Variants in KIF21A observed in about 807,000 individuals in gnomAD.
KIF21A encodes the protein kinesin family member 21A, also known as kinesin-like protein KIF21A.
In KIF21A, 114 loss-of-function variants were observed where a neutral mutation model predicts 202.9. That is an observed-to-expected ratio of 0.56 (90% CI 0.48 to 0.66). The LOEUF (loss-of-function observed/expected upper bound fraction) is 0.66, where lower values mean the gene tolerates loss of function less well. Among genes scored for constraint, KIF21A ranks in the 30% least tolerant of loss-of-function variants. The probability of loss-of-function intolerance (pLI) is 0.00; values close to 1 mark genes in which losing one functional copy is unlikely to be tolerated. For synonymous variants in KIF21A, 667 were observed against 670.8 expected (o/e 0.99, Z 0.09); for missense variants, 1,677 against 1,994.9 (o/e 0.84, Z 3.04).
chr12:39,387,907 G>T (rs1951062446), intron 1 of KIF21A, among the ~76,000 whole-genome samples: 1 of 152,170 alleles, frequency 6.6e-6, no homozygotes, highest in Non-Finnish European at 1.5e-5. Flanking sequence ...TTCCTCCACA[G>T]TAATAGGGGT....
At chr12:39,373,287 A>G (rs1206051116) in intron 1 of KIF21A, among the ~76,000 whole-genome samples, 1 of 152,132 alleles carries the variant, frequency 6.6e-6, no homozygotes, top group Non-Finnish European at 1.5e-5. Context: ...TCTTGTTTCT[A>G]TGCCTCCAAC....
At chr12:39,388,706 A>G (rs1951128189) in intron 1 of KIF21A, among the ~76,000 whole-genome samples, 1 of 152,224 alleles carries the variant, frequency 6.6e-6, no homozygotes, top group Non-Finnish European at 1.5e-5. Context: ...AACTATGACA[A>G]GAAACTTTTA....
intron 1 of KIF21A, among the ~76,000 whole-genome samples, chr12:39,379,202 C>T (rs796935012): frequency 2.6e-5 from 4 of 151,804 alleles, no homozygotes; most frequent in Admixed American, 6.6e-5. Flanking sequence ...TAGTGGTGGG[C>T]GCCTGTAGTC....
intron 29 of KIF21A, among the ~76,000 whole-genome samples, chr12:39,317,073 T>C (rs1944631560): frequency 6.6e-6 from 1 of 152,202 alleles, no homozygotes; most frequent in South Asian, 2.1e-4. Flanking sequence ...AAGAGTATTT[T>C]GTTTAATAAC....
rs1453096232 is a variant in KIF21A, at chr12:39,333,069, A to G, written c.2526T>C (p.Asp842=). The G allele has an allele frequency of 6.2e-7, 1 of 1,614,030 alleles. No homozygotes were observed. Among genetic ancestry groups the G allele is most frequent in the Non-Finnish European group, 8.5e-7 (1 of 1,180,010 alleles). ...ALRRQVRPMS[D]KVAGKVTRKL... ...TCCGAGTAACTTTCCCAGCCACTTT[A>G]TCTGACATGGGTCTTACTTGCCGAC... is the stretch of plus-strand genomic sequence containing the variant. The change falls in exon 19 of 38, where the codon GAT becomes GAC. Residue 842 remains aspartate (D), a synonymous_variant. Coordinates refer to ENST00000361418, the MANE Select transcript of KIF21A (RefSeq NM_001173464.2).
At chr12:39,401,628 T>C (rs1252457367) in intron 1 of KIF21A, among the ~76,000 whole-genome samples, 2 of 152,120 alleles carry the variant, frequency 1.3e-5, no homozygotes, top group Admixed American at 6.6e-5. Flanking sequence ...TGAGAGTGCA[T>C]GGGAGGAACG....
At position 39,436,448 on chromosome 12, in the gene KIF21A, ATTTT is replaced by A. The variant is rs1160949360; in HGVS notation, c.44+6475_44+6478del. On this transcript the variant is annotated intron_variant, in intron 1 of 37. Transcript: ENST00000361418. ...TATATATATATATATATATATATAT[ATTTT>A]TTTTTTTTTTAGACAGGGTTTCATG... 3.2e-3 allele frequency among the ~76,000 whole-genome samples: 310 copies of A among 95,556 alleles called. 3 individuals carry two copies. The highest frequency in any genetic ancestry group is 0.014 in the East Asian group (43 of 3,092). 62.7% of individuals were successfully genotyped at this position (95,556 alleles called of 152,430 possible). A position where few individuals can be genotyped will look rare whatever the true frequency, so the allele number is the denominator to read the frequency against.
At chr12:39,425,499 A>G (rs1255503243) in intron 1 of KIF21A, among the ~76,000 whole-genome samples, 3 of 152,244 alleles carry the variant, frequency 2.0e-5, no homozygotes, top group Admixed American at 2.0e-4. Flanking sequence ...CAAACAAGAA[A>G]TAAAAGAGCC....
At position 39,307,610 on chromosome 12, in the gene KIF21A, A is replaced by G. The variant is rs1366357542; in HGVS notation, c.4397T>C (p.Leu1466Pro). ...GACAGCATTTCCAGAAGCAGCATAG[A>G]GGAAGGTGCCAGTTGGGTTTAGGGC... ...QIALNPTGTF[L>P]YAASGNAVRM... Residue 1466 changes from leucine (L) to proline (P), a missense_variant, in exon 34 of 38, where the codon CTC (leucine) becomes CCC (proline). By Grantham distance (98) the Leu-to-Pro change is moderately conservative (BLOSUM62 -3). Around this residue, in one of 3 missense-constraint regions of KIF21A, gnomAD observed 705 missense variants for 791.9 expected, o/e 0.89. Coordinates refer to ENST00000361418, the MANE Select transcript of KIF21A (RefSeq NM_001173464.2). 6.2e-7 allele frequency: 1 copy of G among 1,614,144 alleles called. No homozygotes were observed. Among genetic ancestry groups the G allele is most frequent in the Admixed American group, 1.7e-5 (1 of 60,024 alleles).
At chr12:39,314,901 A>G (rs958466069) in intron 31 of KIF21A, among the ~76,000 whole-genome samples, 4 of 151,848 alleles carry the variant, frequency 2.6e-5, no homozygotes, top group Non-Finnish European at 5.9e-5. Flanking sequence ...AAAAATCTCA[A>G]TATTAAACAC....
chr12:39,326,262 A>C lies in KIF21A; in HGVS notation c.3401+2T>G. On this transcript the variant is annotated splice_donor_variant, in intron 25 of 37. Coordinates refer to ENST00000361418, the MANE Select transcript of KIF21A (RefSeq NM_001173464.2). LOFTEE classifies it high-confidence loss of function. ...CTCTATTGTTTCTAAAGGCCTTCTT[A>C]CCTTCCTTCTGATCCTGGGCTGTTT... is the stretch of plus-strand genomic sequence containing the variant. 6.2e-7 allele frequency: 1 copy of C among 1,604,490 alleles called. No individual in the cohort carries two copies. The highest frequency in any genetic ancestry group is 8.5e-7 in the Non-Finnish European group (1 of 1,171,526).
chr12:39,320,005 T>C lies in KIF21A; in HGVS notation c.3680A>G (p.Gln1227Arg), dbSNP rs1438184694. ...LPSKIGSISR[Q>R]SSLSEKKIPE... is the part of the protein sequence containing the mutation. ...AATTTTTTTTTCTGATAGAGATGAC[T>C]GCCTGGAACTAAAGTAAAAGAAGAT... Residue 1227 changes from glutamine (Q) to arginine (R), a missense_variant, in exon 28 of 38, where the codon CAG (glutamine) becomes CGG (arginine). By Grantham distance (43) the Gln-to-Arg change is conservative. Around this residue, in one of 3 missense-constraint regions of KIF21A, gnomAD observed 705 missense variants for 791.9 expected, o/e 0.89. Coordinates refer to ENST00000361418, the MANE Select transcript of KIF21A (RefSeq NM_001173464.2). 1.9e-6 allele frequency: 3 copies of C among 1,576,582 alleles called. No homozygotes were observed. The Admixed American group carries it at 5.0e-5, about 27-fold the overall frequency.
intron 1 of KIF21A, among the ~76,000 whole-genome samples, chr12:39,404,562 G>GT (rs1399710090): frequency 6.6e-6 from 1 of 152,078 alleles, no homozygotes; most frequent in Non-Finnish European, 1.5e-5. Context: ...GAAATATACA[G>GT]TAAGAATTTG....
At position 39,369,855 on chromosome 12, in the gene KIF21A, C is replaced by T. The variant is rs1949837331; in HGVS notation, c.324G>A (p.Glu108=). The change falls in exon 3 of 38, where the codon GAG becomes GAA. Residue 108 remains glutamate, a synonymous_variant. Coordinates refer to ENST00000361418, the MANE Select transcript of KIF21A (RefSeq NM_001173464.2). ...CTCGAGAAATAATACCCAGTTCTTCCTCAACAATGTTAACATCAAATCCTG... is the reference window on the plus strand; with the variant it reads ...CTCGAGAAATAATACCCAGTTCTTCTTCAACAATGTTAACATCAAATCCTG... ...MGTGFDVNIV[E]EELGIISRAV... is the part of the protein sequence containing the mutation. 6.2e-7 allele frequency: 1 copy of T among 1,613,432 alleles called. No homozygotes were observed. Among genetic ancestry groups the T allele is most frequent in the Non-Finnish European group, 8.5e-7 (1 of 1,179,590 alleles).
chr12:39,385,277 A>C (rs1202675085), intron 1 of KIF21A, among the ~76,000 whole-genome samples: 1 of 152,106 alleles, frequency 6.6e-6, no homozygotes, highest in Non-Finnish European at 1.5e-5. Flanking sequence ...GAAAGAAGGA[A>C]GGGCAGAGAA....
rs1947894510 is a variant in KIF21A at position 39,346,405 on chromosome 12, T to A, written c.1712+61A>T. 2.4e-6 allele frequency: 3 copies of A among 1,245,402 alleles called. No individual in the cohort carries two copies. The East Asian group carries it at 8.3e-5, about 34-fold the overall frequency. The allele number at this position is 1,245,402 out of a possible 1,614,324, so 77.1% of individuals were successfully genotyped here. On this transcript the variant is annotated intron_variant, in intron 12 of 37. Transcript: ENST00000361418. ...TCTATAATACTATAACACATTTCCTTGTGAATGGCAACTAAGTATTTAAAC... is the reference window on the plus strand; with the variant it reads ...TCTATAATACTATAACACATTTCCTAGTGAATGGCAACTAAGTATTTAAAC...
intron 26 of KIF21A, among the ~76,000 whole-genome samples, chr12:39,325,400 C>T (rs141594666): frequency 2.1e-4 from 32 of 150,482 alleles, no homozygotes; most frequent in Non-Finnish European, 2.9e-5. Flanking sequence ...TGCGCGATCT[C>T]GGTTCACTGC....
chr12:39,377,964 T>C (rs1950368421), intron 1 of KIF21A, among the ~76,000 whole-genome samples: 1 of 152,216 alleles, frequency 6.6e-6, no homozygotes. Flanking sequence ...ATAAACTTTA[T>C]GAAGTTTATT....
rs76467693 is a variant in KIF21A at position 39,331,903 on chromosome 12, T to C, written c.3052-112A>G. ...AGTATTGGGTTAGCTAATGAGATGCTCAGATAAGTGCAATATATGATCATT... is the reference window on the plus strand; with the variant it reads ...AGTATTGGGTTAGCTAATGAGATGCCCAGATAAGTGCAATATATGATCATT... On this transcript the variant is annotated intron_variant, in intron 21 of 37. Coordinates refer to ENST00000361418, the MANE Select transcript of KIF21A (RefSeq NM_001173464.2). The C allele has an allele frequency of 0.018, 15,483 of 837,100 alleles. 1,596 individuals carry two copies. The African/African-American group carries it at 0.22, about 12-fold the overall frequency. The allele number at this position is 837,100 out of a possible 1,614,324, so 51.9% of individuals were successfully genotyped here.
Sources: allele counts gnomAD v4.1 joint callset (sites outside exome capture counted in the v4.1 genomes callset), GRCh38; gene constraint gnomAD v4.1.1; regional missense constraint gnomAD v4.1.1; transcripts MANE v1.5; gene names NCBI Gene and HGNC (gene_info 2026-07-23, HGNC 2026-07-21).